Variants in CSNK2A2IP observed in about 807,000 individuals in gnomAD.
The protein encoded by CSNK2A2IP is casein kinase II subunit alpha'-interacting protein.
the CSNK2A2IP span, among the ~76,000 whole-genome samples, chr3:88,413,395 A>C: frequency 3.0e-4 from 34 of 112,822 alleles, no homozygotes; most frequent in Non-Finnish European, 3.9e-4. Flanking sequence ...TTGAATCTTG[A>C]AAAAACATTT....
chr3:88,390,408 T>C, the CSNK2A2IP span, among the ~76,000 whole-genome samples: 1 of 152,216 alleles, frequency 6.6e-6, no homozygotes, highest in Non-Finnish European at 1.5e-5. Flanking sequence ...GACACTGACC[T>C]GGAACTGTTG....
the CSNK2A2IP span, among the ~76,000 whole-genome samples, chr3:88,394,293 A>G: frequency 1.3e-5 from 2 of 152,230 alleles, no homozygotes; most frequent in Non-Finnish European, 2.9e-5. Flanking sequence ...AATTTTATCC[A>G]TATCATCACC....
chr3:88,419,636 T>C, the CSNK2A2IP span, among the ~76,000 whole-genome samples: 1 of 152,168 alleles, frequency 6.6e-6, no homozygotes, highest in African/African-American at 2.4e-5. Flanking sequence ...ATGGGATTGC[T>C]GGGTTGACTG....
chr3:88,455,312 G>A, the CSNK2A2IP span, among the ~76,000 whole-genome samples: 1 of 151,770 alleles, frequency 6.6e-6, no homozygotes, highest in Non-Finnish European at 1.5e-5. Context: ...TACAATGGCT[G>A]TACCAATTTA....
At chr3:88,398,012 A>C in the CSNK2A2IP span, among the ~76,000 whole-genome samples, 371 of 152,240 alleles carry the variant, frequency 2.4e-3, 1 homozygote, top group African/African-American at 8.6e-3. Context: ...GTTCTAACTA[A>C]GTAAAATTGG....
At chr3:88,383,777 C>T in the CSNK2A2IP span, among the ~76,000 whole-genome samples, 1 of 149,144 alleles carries the variant, frequency 6.7e-6, no homozygotes, top group Non-Finnish European at 1.5e-5. Context: ...CATTCTCCTG[C>T]TTCAGCCTCC....
At chr3:88,418,582 G>C in the CSNK2A2IP span, among the ~76,000 whole-genome samples, 1 of 151,912 alleles carries the variant, frequency 6.6e-6, no homozygotes, top group African/African-American at 2.4e-5. Flanking sequence ...ATTGACAGGA[G>C]GTAAGGGGAA....
At chr3:88,403,291 A>T in the CSNK2A2IP span, among the ~76,000 whole-genome samples, 3 of 152,002 alleles carry the variant, frequency 2.0e-5, no homozygotes, top group African/African-American at 7.3e-5. Context: ...ATTAAATTAA[A>T]TGCCCCCAAA....
At chr3:88,356,760 C>T in the CSNK2A2IP span, among the ~76,000 whole-genome samples, 11 of 152,082 alleles carry the variant, frequency 7.2e-5, no homozygotes, top group Admixed American at 6.5e-5. Context: ...CGCCAACATT[C>T]GTTAATTTTT....
the CSNK2A2IP span, among the ~76,000 whole-genome samples, chr3:88,449,818 G>GACACACAC: frequency 1.8e-4 from 11 of 61,774 alleles, no homozygotes; most frequent in African/African-American, 8.3e-4. Flanking sequence ...TTTTTATATC[G>GACACACAC]AGACACACAC....
the CSNK2A2IP span, among the ~76,000 whole-genome samples, chr3:88,352,169 T>C: frequency 6.6e-6 from 1 of 152,190 alleles, no homozygotes; most frequent in Non-Finnish European, 1.5e-5. Context: ...TTTTAGTTTT[T>C]ACTAAATGTT....
At chr3:88,461,991 A>T in the CSNK2A2IP span, among the ~76,000 whole-genome samples, 1 of 151,490 alleles carries the variant, frequency 6.6e-6, no homozygotes, top group African/African-American at 2.4e-5. Context: ...GTTTTTTTTC[A>T]TATATGTGTT....
At chr3:88,364,249 G>A in the CSNK2A2IP span, among the ~76,000 whole-genome samples, 1 of 151,896 alleles carries the variant, frequency 6.6e-6, no homozygotes. Context: ...CCAGTGTTCT[G>A]AAAAACATCA....
the CSNK2A2IP span, among the ~76,000 whole-genome samples, chr3:88,409,437 C>T: frequency 6.6e-6 from 1 of 151,990 alleles, no homozygotes; most frequent in Non-Finnish European, 1.5e-5. Flanking sequence ...CCTGTTAAAC[C>T]AGCTGCCTCT....
the CSNK2A2IP span, among the ~76,000 whole-genome samples, chr3:88,416,596 C>T: frequency 6.6e-6 from 1 of 152,182 alleles, no homozygotes; most frequent in African/African-American, 2.4e-5. Context: ...AAAGTCTTCG[C>T]TCCTGAAACA....
At chr3:88,448,240 C>A in the CSNK2A2IP span, among the ~76,000 whole-genome samples, 1 of 152,138 alleles carries the variant, frequency 6.6e-6, no homozygotes, top group African/African-American at 2.4e-5. Flanking sequence ...TACACCTTGA[C>A]AAATGTTTGA....
At chr3:88,405,050 C>T in the CSNK2A2IP span, among the ~76,000 whole-genome samples, 1 of 152,112 alleles carries the variant, frequency 6.6e-6, no homozygotes, top group African/African-American at 2.4e-5. Flanking sequence ...GTTGGTTTAG[C>T]TAGAATCCAC....
chr3:88,387,287 G>T, the CSNK2A2IP span, among the ~76,000 whole-genome samples: 2 of 150,738 alleles, frequency 1.3e-5, no homozygotes, highest in South Asian at 4.2e-4. Flanking sequence ...TCAGCCCCCC[G>T]AGTAGCTAAG....
chr3:88,415,989 G>T, the CSNK2A2IP span, among the ~76,000 whole-genome samples: 1 of 151,932 alleles, frequency 6.6e-6, no homozygotes, highest in Non-Finnish European at 1.5e-5. Flanking sequence ...AAAAAGGGTG[G>T]GCCAGGTGCA....
Sources: gnomAD v4.1 joint callset for allele counts (sites outside exome capture counted in the v4.1 genomes callset) on GRCh38, gnomAD v4.1.1 for gene constraint, MANE v1.5 for transcripts, NCBI Gene and HGNC (gene_info 2026-07-23, HGNC 2026-07-21) for gene names.